Variants in SORBS2 observed in about 807,000 individuals in gnomAD.
SORBS2 encodes the protein sorbin and SH3 domain-containing protein 2.
A neutral mutation model predicts 97.7 loss-of-function variants in SORBS2; 46 were observed. The observed-to-expected ratio is 0.47, with a 90% CI of 0.37 to 0.60. SORBS2 has a LOEUF of 0.60. SORBS2 is among the 20% of genes least tolerant of loss of function. SORBS2 has a pLI of 0.00. For missense variants in SORBS2, 1,316 were observed against 1,282.3 expected (o/e 1.03, Z -0.40); for synonymous variants, 476 against 473.4 (o/e 1.01, Z -0.07).
chr4:185,795,513 C>A (rs1325667730), intron 1 of SORBS2, among the ~76,000 whole-genome samples: 2 of 152,144 alleles, frequency 1.3e-5, no homozygotes, highest in African/African-American at 4.8e-5. Flanking sequence ...TCCCGGGCAC[C>A]TGCCTTGCTT....
chr4:185,839,798 C>T (rs1410743203), intron 1 of SORBS2, among the ~76,000 whole-genome samples: 1 of 152,094 alleles, frequency 6.6e-6, no homozygotes, highest in Non-Finnish European at 1.5e-5. Context: ...GAACAAGAAA[C>T]CCTAGGTAAA....
intron 2 of SORBS2, among the ~76,000 whole-genome samples, chr4:185,683,809 T>C (rs2097910039): frequency 1.3e-5 from 2 of 152,158 alleles, no homozygotes; most frequent in Non-Finnish European, 2.9e-5. Flanking sequence ...ACTCAGTAGT[T>C]TAGAATTAAG....
intron 4 of SORBS2, among the ~76,000 whole-genome samples, chr4:185,672,580 G>A (rs1014805527): frequency 9.2e-5 from 14 of 152,186 alleles, no homozygotes; most frequent in African/African-American, 2.7e-4. Flanking sequence ...AGCACATGCC[G>A]TTTAGAAAAC....
intron 1 of SORBS2, among the ~76,000 whole-genome samples, chr4:185,920,965 G>A (rs940441591): frequency 1.4e-4 from 21 of 152,118 alleles, no homozygotes; most frequent in African/African-American, 4.1e-4. Context: ...TTTGAGTAGC[G>A]AATAGGAAAG....
At chr4:185,830,761 C>T (rs116580824) in intron 1 of SORBS2, among the ~76,000 whole-genome samples, 1,639 of 152,242 alleles carry the variant, frequency 0.011, 29 homozygotes, top group African/African-American at 0.037. Context: ...CTTTTCTTAT[C>T]AAATTGCCCT....
At chr4:185,736,320 C>T (rs1233852434) in intron 2 of SORBS2, among the ~76,000 whole-genome samples, 1 of 152,194 alleles carries the variant, frequency 6.6e-6, no homozygotes, top group Non-Finnish European at 1.5e-5. Flanking sequence ...GCACCTAAGG[C>T]AATGGTGGGA....
At chr4:185,799,538 T>C (rs1375590626) in intron 1 of SORBS2, among the ~76,000 whole-genome samples, 1 of 152,218 alleles carries the variant, frequency 6.6e-6, no homozygotes, top group African/African-American at 2.4e-5. Flanking sequence ...CGAATTGTAG[T>C]GGTGCCTAGA....
At chr4:185,768,698 C>CAAAAAAAAAAAAAAA (rs1207578871) in intron 2 of SORBS2, among the ~76,000 whole-genome samples, 20 of 84,638 alleles carry the variant, frequency 2.4e-4, no homozygotes, top group Non-Finnish European at 3.7e-4. Context: ...GACTCTGTCT[C>CAAAAAAAAAAAAAAA]AAAAAAAAAA....
chr4:185,622,880 A>T, intron 7 of SORBS2, 34 bp downstream of exon 19: 3 of 1,548,408 alleles, frequency 1.9e-6, no homozygotes. Context: ...TGGGTCTCTG[A>T]ACCACAAGGA....
At chr4:185,709,320 T>TTTTTTTTTTTTTTTTTTTTTTTTTC (rs1181008953) in intron 2 of SORBS2, among the ~76,000 whole-genome samples, 4 of 140,978 alleles carry the variant, frequency 2.8e-5, no homozygotes, top group African/African-American at 1.1e-4. Flanking sequence ...TTTTTTTTTT[T>TTTTTTTTTTTTTTTTTTTTTTTTTC]TTTTAGTAAA....
chr4:185,767,516 AAAAG>A lies in SORBS2; in HGVS notation c.-198+7707_-198+7710del, dbSNP rs200419126. On this transcript the variant is annotated intron_variant, in intron 2 of 20. Transcript: ENST00000284776. ...CTCTGTCTCAAAAAAAAAAAAAAAA[AAAAG>A]AGAAAGAAAATGAAAGAGCTATGCA... Among the ~76,000 whole-genome samples the A allele has an allele frequency of 4.2e-4, 62 of 147,504 alleles. 3 individuals carry two copies. The highest frequency in any genetic ancestry group is 6.0e-4 in the African/African-American group (24 of 40,258).
In SORBS2 at chr4:185,930,841, G is replaced by A. The variant is rs184403469; in HGVS notation, c.-338+25355C>T. On this transcript the variant is annotated intron_variant, in intron 1 of 20. Transcript: ENST00000284776. ...GAAAAAGTAATAATGACTTGTATAC[G>A]AATTCTGTGGATTTTTACTTCTCCC... 2.5e-3 allele frequency among the ~76,000 whole-genome samples: 387 copies of A among 152,206 alleles called. 3 individuals carry two copies. The highest frequency in any genetic ancestry group is 8.9e-3 in the African/African-American group (369 of 41,512).
At chr4:185,938,885 T>C (rs2099270442) in intron 1 of SORBS2, among the ~76,000 whole-genome samples, 1 of 152,144 alleles carries the variant, frequency 6.6e-6, no homozygotes, top group Non-Finnish European at 1.5e-5. Context: ...AACTACATTA[T>C]GTCCGCTTCA....
chr4:185,613,756 G>A (rs993218028), intron 11 of SORBS2, among the ~76,000 whole-genome samples: 24 of 151,990 alleles, frequency 1.6e-4, no homozygotes, highest in African/African-American at 5.6e-4. Flanking sequence ...AGCTGTAAGA[G>A]GCATTGGTGA....
intron 1 of SORBS2, among the ~76,000 whole-genome samples, chr4:185,907,138 C>CAA (rs1401461983): frequency 0.071 from 4,882 of 68,522 alleles, 241 homozygotes; most frequent in African/African-American, 0.18. Flanking sequence ...TCCATCATAA[C>CAA]AAAAAAAAAA....
At position 185,797,275 on chromosome 4, in the gene SORBS2, C is replaced by T. The variant is rs373937483; in HGVS notation, c.-337-21909G>A. Among the ~76,000 whole-genome samples the T allele has an allele frequency of 4.6e-5, 7 of 152,304 alleles. No homozygotes were observed. The East Asian group carries it at 7.7e-4, about 17-fold the overall frequency. ...GATTACATCCCTCGCTCATTTCTCC[C>T]GGCCCCGTCACCTTAGTTCATGCCC... On this transcript the variant is annotated intron_variant, in intron 1 of 20. Transcript: ENST00000284776.
intron 2 of SORBS2, among the ~76,000 whole-genome samples, chr4:185,682,780 G>A (rs2097890508): frequency 6.6e-6 from 1 of 152,086 alleles, no homozygotes; most frequent in South Asian, 2.1e-4. Flanking sequence ...GGAGGCTGAG[G>A]CGGGCGGATC....
At chr4:185,816,396 G>A (rs1359431366) in intron 1 of SORBS2, among the ~76,000 whole-genome samples, 1 of 152,192 alleles carries the variant, frequency 6.6e-6, no homozygotes, top group African/African-American at 2.4e-5. Context: ...CTTTTGTAAA[G>A]CTTAGATTGA....
At chr4:185,701,007 TTTG>T (rs371917950) in intron 2 of SORBS2, among the ~76,000 whole-genome samples, 41 of 152,220 alleles carry the variant, frequency 2.7e-4, no homozygotes, top group African/African-American at 9.2e-4. Context: ...GAACAAAGTT[TTTG>T]TTGTTTCATA....
Sources: allele counts gnomAD v4.1 joint callset (sites outside exome capture counted in the v4.1 genomes callset), GRCh38; gene constraint gnomAD v4.1.1; transcripts MANE v1.5; gene names NCBI Gene and HGNC (gene_info 2026-07-23, HGNC 2026-07-21).